Variants in FCHSD2 observed in about 807,000 individuals in gnomAD.
The protein encoded by FCHSD2 is F-BAR and double SH3 domains protein 2.
Under a neutral mutation model 108.1 loss-of-function variants are expected in FCHSD2, and 38 were observed. The observed-to-expected ratio is 0.35, with a 90% confidence interval of 0.27 to 0.46. The LOEUF (loss-of-function observed/expected upper bound fraction) is 0.46, where lower values mean the gene tolerates loss of function less well. FCHSD2 is among the 20% of genes least tolerant of loss of function. The probability of loss-of-function intolerance (pLI) is 1.00; values close to 1 mark genes in which losing one functional copy is unlikely to be tolerated. For missense variants in FCHSD2, 751 were observed against 897.8 expected, an observed-to-expected ratio of 0.84 and a Z score of 2.09; for synonymous variants, 279 against 314.7, an observed-to-expected ratio of 0.89 and a Z score of 1.20.
At chr11:73,006,657 G>A (rs544413122) in intron 4 of FCHSD2, among the ~76,000 whole-genome samples, 3 of 152,306 alleles carry the variant, frequency 2.0e-5, no homozygotes, top group South Asian at 2.1e-4. Context: ...CAATTGCTGC[G>A]CAATCACTTC....
At chr11:73,133,414 C>T (rs1344863216) in intron 2 of FCHSD2, among the ~76,000 whole-genome samples, 1 of 152,150 alleles carries the variant, frequency 6.6e-6, no homozygotes, top group Non-Finnish European at 1.5e-5. Flanking sequence ...CATATCCATA[C>T]AATGGGGTAT....
chr11:72,917,803 G>A (rs977445471), intron 9 of FCHSD2, among the ~76,000 whole-genome samples: 1 of 152,010 alleles, frequency 6.6e-6, no homozygotes, highest in Non-Finnish European at 1.5e-5. Flanking sequence ...CAGGAGAATC[G>A]CTTGAACCTG....
intron 14 of FCHSD2, among the ~76,000 whole-genome samples, chr11:72,846,151 CATG>C (rs1861134624): frequency 1.3e-5 from 2 of 150,606 alleles, no homozygotes; most frequent in African/African-American, 4.9e-5. Context: ...CCAGACTACT[CATG>C]ATGAGTAAGC....
In FCHSD2 at chr11:72,838,790, A is replaced by G. The variant is rs1181532105; in HGVS notation, c.*1T>C. 4 of 1,598,364 alleles carry G rather than the reference A, an allele frequency of 2.5e-6. No homozygotes were observed. In the Admixed American group the frequency reaches 7.0e-5, roughly 28 times the overall value. On this transcript the variant is annotated 3_prime_UTR_variant, in exon 20 of 20. Coordinates refer to ENST00000409418, the MANE Select transcript of FCHSD2 (RefSeq NM_014824.3). The stretch of plus-strand genomic sequence containing the variant: ...GCAGTAATGGATGGGCAAGCCCATC[A>G]TCACACCAGTGTGATTTCCACATCT...
chr11:72,902,776 T>TA (rs1486512437), intron 9 of FCHSD2, 138 bp from the exon 10 acceptor site: 12 of 563,674 alleles, frequency 2.1e-5, no homozygotes, highest in Non-Finnish European at 3.1e-5. Flanking sequence ...GAAATGGTGT[T>TA]ACGCATTTTA....
intron 9 of FCHSD2, among the ~76,000 whole-genome samples, chr11:72,916,615 T>G (rs541216278): frequency 3.3e-5 from 5 of 152,198 alleles, no homozygotes; most frequent in African/African-American, 9.6e-5. Flanking sequence ...GTGCCCAGCC[T>G]CCTTTGTTCA....
intron 17 of FCHSD2, among the ~76,000 whole-genome samples, chr11:72,841,932 T>C (rs1317039371): frequency 1.3e-5 from 2 of 152,240 alleles, no homozygotes; most frequent in African/African-American, 4.8e-5. Context: ...GTTGGATTTT[T>C]TGGGGTGAAG....
At chr11:73,012,161 A>G (rs371424307) in intron 4 of FCHSD2, among the ~76,000 whole-genome samples, 8 of 152,218 alleles carry the variant, frequency 5.3e-5, no homozygotes, top group African/African-American at 1.9e-4. Context: ...AGTATAGTTC[A>G]TCAATACTAT....
intron 12 of FCHSD2, among the ~76,000 whole-genome samples, chr11:72,874,922 A>G (rs1044586163): frequency 6.6e-6 from 1 of 152,236 alleles, no homozygotes; most frequent in Non-Finnish European, 1.5e-5. Context: ...TGACCAAATC[A>G]TTTTTGGAAG....
At chr11:72,851,656 T>C (rs1383182059) in intron 13 of FCHSD2, among the ~76,000 whole-genome samples, 3 of 152,050 alleles carry the variant, frequency 2.0e-5, no homozygotes, top group African/African-American at 7.2e-5. Context: ...GGCAGGAGAA[T>C]TGCTTGAACC....
At chr11:72,859,679 A>G (rs1261822654) in intron 13 of FCHSD2, among the ~76,000 whole-genome samples, 1 of 152,204 alleles carries the variant, frequency 6.6e-6, no homozygotes, top group Non-Finnish European at 1.5e-5. Flanking sequence ...AGAGATGCGC[A>G]GAACTTAGGA....
At chr11:72,934,231 A>G (rs567136720) in intron 8 of FCHSD2, among the ~76,000 whole-genome samples, 2 of 151,872 alleles carry the variant, frequency 1.3e-5, no homozygotes, top group Admixed American at 1.3e-4. Flanking sequence ...CTAGCATTTT[A>G]CATTTAAATG....
intron 5 of FCHSD2, among the ~76,000 whole-genome samples, chr11:72,989,511 G>A (rs1857371612): frequency 6.6e-6 from 1 of 152,124 alleles, no homozygotes; most frequent in African/African-American, 2.4e-5. Flanking sequence ...CAGTGCAAAG[G>A]GTACTGAAGA....
chr11:73,074,768 C>T (rs1859511467), intron 3 of FCHSD2, among the ~76,000 whole-genome samples: 1 of 152,004 alleles, frequency 6.6e-6, no homozygotes, highest in Admixed American at 6.6e-5. Context: ...TAAAACTGGC[C>T]AGGCACAGTG....
At chr11:73,065,272 T>C (rs1467852549) in intron 3 of FCHSD2, among the ~76,000 whole-genome samples, 3 of 152,126 alleles carry the variant, frequency 2.0e-5, no homozygotes, top group Non-Finnish European at 4.4e-5. Context: ...ATTATCTCAA[T>C]AGATGCAGAA....
intron 8 of FCHSD2, among the ~76,000 whole-genome samples, chr11:72,973,096 C>T (rs561108011): frequency 4.6e-5 from 7 of 152,156 alleles, no homozygotes; most frequent in South Asian, 2.1e-4. Context: ...TGGCCGGGCG[C>T]GGTGGCTCAT....
At chr11:72,952,913 G>A (rs987449898) in intron 8 of FCHSD2, among the ~76,000 whole-genome samples, 2 of 152,104 alleles carry the variant, frequency 1.3e-5, no homozygotes, top group Admixed American at 1.3e-4. Context: ...AGAATTATCT[G>A]CTTTTCCTCA....
At chr11:72,905,593 C>T (rs1454526720) in intron 9 of FCHSD2, among the ~76,000 whole-genome samples, 3 of 152,110 alleles carry the variant, frequency 2.0e-5, no homozygotes, top group Non-Finnish European at 2.9e-5. Context: ...CCCCTAGCCC[C>T]CCACCCCCCG....
chr11:72,841,022 G>A, intron 18 of FCHSD2, 63 bp from the exon 19 acceptor site: 2 of 1,247,704 alleles, frequency 1.6e-6, no homozygotes, highest in Admixed American at 1.8e-5. Flanking sequence ...GCTGATGCAA[G>A]GCTGGCATGG....
Sources: allele counts gnomAD v4.1 joint callset (sites outside exome capture counted in the v4.1 genomes callset), GRCh38; gene constraint gnomAD v4.1.1; transcripts MANE v1.5; gene names NCBI Gene and HGNC (gene_info 2026-07-23, HGNC 2026-07-21).